CNOT10: variants seen among roughly 807,000 people sequenced by gnomAD.
The protein encoded by CNOT10 is CCR4-NOT transcription complex subunit 10.
CNOT10 carries 30 observed loss-of-function variants against 94.6 expected under a neutral mutation model. That is an observed-to-expected ratio of 0.32 (90% CI 0.24 to 0.43). The LOEUF is 0.43. CNOT10 is among the 20% of genes least tolerant of loss of function. The pLI is 1.00. For missense variants in CNOT10, 759 were observed against 877.2 expected (o/e 0.87, Z 1.70); for synonymous variants, 289 against 301.6 (o/e 0.96, Z 0.43).
chr3:32,763,510 C>T (rs1397275246), intron 15 of CNOT10, among the ~76,000 whole-genome samples: 1 of 151,846 alleles, frequency 6.6e-6, no homozygotes. Flanking sequence ...ATTAGTAGGG[C>T]GTGGTGGTGC....
rs1432984080 is a variant in CNOT10 at position 32,702,917 on chromosome 3, T to C, written c.23-951T>C. Among the ~76,000 whole-genome samples the C allele has an allele frequency of 5.6e-5, 7 of 124,968 alleles. No individual in the cohort carries two copies. The East Asian group carries it at 1.2e-3, about 21-fold the overall frequency. 82.0% of individuals were successfully genotyped at this position (124,968 alleles called of 152,430 possible). A position where few individuals can be genotyped will look rare whatever the true frequency, so the allele number is the denominator to read the frequency against. ...ATTAATCAGTCATTGTTTTTTGTTG[T>C]TTTTTTTTTTTTGAGACGGAGTCCT... On this transcript the variant is annotated intron_variant, in intron 1 of 18. Transcript: ENST00000328834.
At chr3:32,708,883 C>A in intron 4 of CNOT10, 63 bp downstream of exon 4, 1 of 1,359,654 alleles carries the variant, frequency 7.4e-7, no homozygotes, top group Non-Finnish European at 1.0e-6. Context: ...TTCTCTGGTA[C>A]TTTTACCTAG....
intron 1 of CNOT10, among the ~76,000 whole-genome samples, chr3:32,702,022 T>A (rs888613540): frequency 6.6e-6 from 1 of 151,970 alleles, no homozygotes; most frequent in African/African-American, 2.4e-5. Flanking sequence ...ATGGCCTCGA[T>A]CTCCTGACCT....
At chr3:32,715,724 G>C (rs1189856981) in intron 5 of CNOT10, among the ~76,000 whole-genome samples, 3 of 152,104 alleles carry the variant, frequency 2.0e-5, no homozygotes, top group Non-Finnish European at 4.4e-5. Context: ...TATTACGTTC[G>C]ACTGTGAGCT....
intron 8 of CNOT10, among the ~76,000 whole-genome samples, chr3:32,721,746 G>A (rs1320928654): frequency 6.7e-5 from 10 of 149,262 alleles, no homozygotes; most frequent in South Asian, 2.1e-4. Flanking sequence ...TCCTGGGTTC[G>A]CGACATTCTC....
intron 8 of CNOT10, among the ~76,000 whole-genome samples, chr3:32,720,807 T>C (rs1218714153): frequency 6.6e-6 from 1 of 151,478 alleles, no homozygotes; most frequent in Non-Finnish European, 1.5e-5. Flanking sequence ...CTTTTTTCTT[T>C]AACCTGACTT....
chr3:32,692,034 G>T (rs542725551), intron 1 of CNOT10, among the ~76,000 whole-genome samples: 28 of 145,122 alleles, frequency 1.9e-4, no homozygotes, highest in African/African-American at 6.9e-4. Flanking sequence ...CTGGGTGACT[G>T]AGTGAGACCC....
At chr3:32,710,558 T>A (rs1197166596) in intron 4 of CNOT10, among the ~76,000 whole-genome samples, 1 of 152,292 alleles carries the variant, frequency 6.6e-6, no homozygotes, top group East Asian at 1.9e-4. Context: ...TTTGGACAAA[T>A]ATATTCATTA....
Position 32,773,568 on chromosome 3 carries a change from A to G in CNOT10, c.2192A>G (p.Gln731Arg), listed in dbSNP as rs1282191724. 1.9e-6 allele frequency: 3 copies of G among 1,614,124 alleles called. No individual in the cohort carries two copies. The highest frequency in any genetic ancestry group is 2.5e-6 in the Non-Finnish European group (3 of 1,180,006). The change falls in exon 19 of 19, where the codon CAG becomes CGG. Residue 731 changes from glutamine to arginine, a missense_variant. Coordinates refer to ENST00000328834, the MANE Select transcript of CNOT10 (RefSeq NM_015442.3). ...KPVFQPVHPI[Q>R]PIQMPAFTTV... is the part of the protein sequence containing the mutation. ...GTGTTTCAGCCTGTCCACCCGATCC[A>G]GCCCATCCAAATGCCGGCTTTCACC...
At chr3:32,718,989 G>T (rs1203931514) in intron 7 of CNOT10, among the ~76,000 whole-genome samples, 1 of 152,136 alleles carries the variant, frequency 6.6e-6, no homozygotes, top group East Asian at 1.9e-4. Context: ...GGTGGCTCAC[G>T]CCTGTAATCC....
In CNOT10 at chr3:32,726,006, G is replaced by T. The variant is rs138951944; in HGVS notation, c.1012+407G>T. Among the ~76,000 whole-genome samples the T allele has an allele frequency of 3.3e-5, 5 of 152,206 alleles. No individual in the cohort carries two copies. The East Asian group carries it at 9.7e-4, about 29-fold the overall frequency. Reference sequence around the variant, plus strand: ...ATCACCCAGGCTGGAGTGCAATGGTGTGATTTCAGCTCATTTCAACTTCTG... The same window carrying T: ...ATCACCCAGGCTGGAGTGCAATGGTTTGATTTCAGCTCATTTCAACTTCTG... On this transcript the variant is annotated intron_variant, in intron 9 of 18. Coordinates refer to ENST00000328834, the MANE Select transcript of CNOT10 (RefSeq NM_015442.3).
At chr3:32,688,458 A>G (rs1012145754) in intron 1 of CNOT10, among the ~76,000 whole-genome samples, 6 of 151,964 alleles carry the variant, frequency 3.9e-5, no homozygotes, top group Non-Finnish European at 8.8e-5. Flanking sequence ...TTAGCCAGGC[A>G]TGCTGGCGCA....
intron 4 of CNOT10, among the ~76,000 whole-genome samples, chr3:32,711,370 A>C (rs576116119): frequency 2.6e-5 from 4 of 152,230 alleles, no homozygotes; most frequent in Admixed American, 6.5e-5. Flanking sequence ...TGTAAATGCT[A>C]TGAAAATGTT....
At chr3:32,757,814 A>G (rs1700284612) in intron 13 of CNOT10, among the ~76,000 whole-genome samples, 1 of 152,186 alleles carries the variant, frequency 6.6e-6, no homozygotes, top group Non-Finnish European at 1.5e-5. Context: ...AGAGCCAGAA[A>G]TATTGATAGT....
intron 1 of CNOT10, among the ~76,000 whole-genome samples, chr3:32,698,842 T>G (rs7614505): frequency 0.061 from 9,306 of 152,162 alleles, 328 homozygotes; most frequent in African/African-American, 0.091. Flanking sequence ...CTGGAGTGCT[T>G]TGGCACAATC....
In CNOT10 at chr3:32,696,604, T is replaced by C. The variant is rs559777449; in HGVS notation, c.23-7264T>C. Reference sequence around the variant, plus strand: ...TCCAGCTTATCTATTTATTTATTTATTATTTATTTATTTTGAGATGAGGTC... The same window carrying C: ...TCCAGCTTATCTATTTATTTATTTACTATTTATTTATTTTGAGATGAGGTC... On this transcript the variant is annotated intron_variant, in intron 1 of 18. Coordinates refer to ENST00000328834, the MANE Select transcript of CNOT10 (RefSeq NM_015442.3). Among the ~76,000 whole-genome samples the C allele has an allele frequency of 6.6e-5, 10 of 152,272 alleles. No homozygotes were observed. In the South Asian group the frequency reaches 2.1e-3, roughly 32 times the overall value.
At chr3:32,687,912 A>G (rs1358516250) in intron 1 of CNOT10, among the ~76,000 whole-genome samples, 1 of 152,172 alleles carries the variant, frequency 6.6e-6, no homozygotes, top group Non-Finnish European at 1.5e-5. Flanking sequence ...CCGTCTGGTG[A>G]ACACTATTCA....
intron 13 of CNOT10, chr3:32,753,939 A>AC: frequency 1.1e-6 from 1 of 934,214 alleles, no homozygotes. Context: ...CACACACAAA[A>AC]TATAAAAATT....
intron 10 of CNOT10, among the ~76,000 whole-genome samples, chr3:32,728,343 G>A (rs139138976): frequency 3.3e-5 from 5 of 152,122 alleles, no homozygotes; most frequent in East Asian, 2.0e-4. Context: ...TTTGTTGGCC[G>A]TGCGCAATGG....
Sources: gnomAD v4.1 joint callset for allele counts (sites outside exome capture counted in the v4.1 genomes callset) on GRCh38, gnomAD v4.1.1 for gene constraint, MANE v1.5 for transcripts, NCBI Gene and HGNC (gene_info 2026-07-23, HGNC 2026-07-21) for gene names.